The following ZDHHC1 variants were observed in gnomAD, a reference collection of about 807,000 sequenced individuals.
ZDHHC1 encodes palmitoyltransferase ZDHHC1.
Under a neutral mutation model 46.9 loss-of-function variants are expected in ZDHHC1, and 45 were observed. The ratio of observed to expected loss-of-function variants is 0.96; its 90% CI spans 0.76 to 1.23. ZDHHC1 has a LOEUF of 1.23. Ranked by LOEUF, ZDHHC1 falls within the 50% of genes most tolerant of loss-of-function variation. The pLI is 0.00. For missense variants in ZDHHC1, 649 were observed against 670.8 expected, an observed-to-expected ratio of 0.97 and a Z score of 0.36; for synonymous variants, 291 against 286.0, an observed-to-expected ratio of 1.02 and a Z score of -0.18.
intron 3 of ZDHHC1, among the ~76,000 whole-genome samples, chr16:67,405,876 G>C (rs1375095864): frequency 6.6e-6 from 1 of 152,216 alleles, no homozygotes; most frequent in Non-Finnish European, 1.5e-5. Flanking sequence ...GTTCAGCTCT[G>C]AACACAATTA....
chr16:67,413,369 A>G (rs1316717159), intron 1 of ZDHHC1, among the ~76,000 whole-genome samples: 2 of 152,256 alleles, frequency 1.3e-5, no homozygotes, highest in Non-Finnish European at 2.9e-5. Context: ...GAAGCTAGAA[A>G]GAAAACACTT....
rs984133038 is a variant in ZDHHC1, at chr16:67,406,122, G to A, written c.252+78C>T. On this transcript the variant is annotated intron_variant, in intron 3 of 11. Transcript: ENST00000565726. The surrounding 1 kb of genome is among the most constrained non-coding windows in gnomAD (Gnocchi z 4.1). ...CTGTGCTCCCCAAGGCTCTCAACCCGGCTTTGGGCCTCCGCTGTGCCAGCC... is the reference window on the plus strand; with the variant it reads ...CTGTGCTCCCCAAGGCTCTCAACCCAGCTTTGGGCCTCCGCTGTGCCAGCC... 1.3e-5 allele frequency: 20 copies of A among 1,520,916 alleles called. 1 individual carries two copies. The Admixed American group carries it at 1.6e-4, about 12-fold the overall frequency. 94.2% of individuals were successfully genotyped at this position (1,520,916 alleles called of 1,614,324 possible). A position where few individuals can be genotyped will look rare whatever the true frequency, so the allele number is the denominator to read the frequency against.
At chr16:67,399,235 CG>C in intron 5 of ZDHHC1, 119 bp downstream of exon 5, 1 of 947,618 alleles carries the variant, frequency 1.1e-6, no homozygotes, top group Non-Finnish European at 1.6e-6. Flanking sequence ...CCGCATAAAA[CG>C]GGCACAGGTC....
chr16:67,395,654 T>C (rs530113330), intron 8 of ZDHHC1, 88 bp from the exon 9 acceptor site: 3 of 1,296,028 alleles, frequency 2.3e-6, no homozygotes, highest in South Asian at 2.6e-5. Flanking sequence ...CCTGCCCTCA[T>C]TGGCCTCTGT....
In ZDHHC1 at chr16:67,395,250, T is replaced by G. The variant is rs759885443; in HGVS notation, c.1041A>C (p.Gln347His). ...GGGAAGAGGGTGGTGGAGGTTCCGCTTGGCCACGGGTGGCAAGAAACTGGG... is the reference window on the plus strand; with the variant it reads ...GGGAAGAGGGTGGTGGAGGTTCCGCGTGGCCACGGGTGGCAAGAAACTGGG... ...NPSQFLATRG[Q>H]AEPPPPSSPD... The change falls in exon 10 of 12, where the codon CAA becomes CAC. Residue 347 changes from glutamine (Q) to histidine (H), a missense_variant. Physicochemically the swap from Gln to His is conservative, Grantham distance 24 (BLOSUM62 0). Transcript: ENST00000565726. The G allele has an allele frequency of 6.3e-7, 1 of 1,586,994 alleles. No homozygotes were observed. The highest frequency in any genetic ancestry group is 1.1e-5 in the South Asian group (1 of 88,242).
intron 3 of ZDHHC1, among the ~76,000 whole-genome samples, chr16:67,402,775 C>T (rs1464629627): frequency 6.6e-6 from 1 of 152,066 alleles, no homozygotes; most frequent in Non-Finnish European, 1.5e-5. Context: ...TACAGGTGTT[C>T]GCCACCACGC....
At chr16:67,397,523 T>C in intron 8 of ZDHHC1, among the ~76,000 whole-genome samples, 1 of 150,652 alleles carries the variant, frequency 6.6e-6, no homozygotes. Context: ...CCCACCAGCC[T>C]CTGTTTGTGT....
intron 1 of ZDHHC1, among the ~76,000 whole-genome samples, chr16:67,409,019 C>T (rs548945617): frequency 1.3e-5 from 2 of 152,270 alleles, no homozygotes; most frequent in South Asian, 2.1e-4. Context: ...TTGCCATCCC[C>T]AAACCTGAAC....
intron 8 of ZDHHC1, 22 bp downstream of exon 8, chr16:67,398,190 T>C (rs1354665820): frequency 9.3e-7 from 1 of 1,073,352 alleles, no homozygotes; most frequent in Non-Finnish European, 1.4e-6. Flanking sequence ...CCAGGCCCCC[T>C]CCCACCCTTC....
intron 4 of ZDHHC1, among the ~76,000 whole-genome samples, chr16:67,400,429 C>T (rs1489848887): frequency 6.6e-6 from 1 of 152,238 alleles, no homozygotes; most frequent in African/African-American, 2.4e-5. Flanking sequence ...CAAATGGCCC[C>T]CCTGGGCCTC....
intron 1 of ZDHHC1, among the ~76,000 whole-genome samples, chr16:67,410,648 ATT>A (rs951747150): frequency 2.0e-5 from 2 of 99,632 alleles, no homozygotes; most frequent in East Asian, 2.0e-4. Flanking sequence ...TTAATTAATT[ATT>A]ATTATTATTA....
intron 2 of ZDHHC1, 114 bp downstream of exon 2, chr16:67,407,653 A>G: frequency 1.3e-6 from 1 of 742,288 alleles, no homozygotes; most frequent in Non-Finnish European, 2.5e-6. Flanking sequence ...ACGCTTTGCA[A>G]TCCTCATGTC....
intron 1 of ZDHHC1, among the ~76,000 whole-genome samples, chr16:67,409,070 C>G (rs78249417): frequency 6.6e-6 from 1 of 152,168 alleles, no homozygotes; most frequent in African/African-American, 2.4e-5. Flanking sequence ...GCAAAACAGA[C>G]GCATGCAGCT....
Position 67,394,776 on chromosome 16 carries a change from T to C in ZDHHC1, c.1283A>G (p.Glu428Gly). Reference sequence around the variant, plus strand: ...CAGGCGCGTCTGCGCCACTGGAATCTCGTCCACGGACTCTGCCGACGCCGA... The same window carrying C: ...CAGGCGCGTCTGCGCCACTGGAATCCCGTCCACGGACTCTGCCGACGCCGA... ...YHSASAESVDEIPVAQTRLGS... is the reference protein window; with the variant it reads ...YHSASAESVDGIPVAQTRLGS... The change falls in exon 12 of 12, where the codon GAG becomes GGG. Residue 428 changes from glutamate to glycine, a missense_variant. Transcript: ENST00000565726. The C allele has an allele frequency of 1.3e-6, 2 of 1,530,512 alleles. No homozygotes were observed. Among genetic ancestry groups the C allele is most frequent in the South Asian group, 1.2e-5 (1 of 83,574 alleles). The allele number at this position is 1,530,512 out of a possible 1,614,324, so 94.8% of individuals were successfully genotyped here. A position where few individuals can be genotyped will look rare whatever the true frequency, so the allele number is the denominator to read the frequency against.
Position 67,401,783 on chromosome 16 carries a change from T to C in ZDHHC1, c.253-651A>G, listed in dbSNP as rs761040031. On this transcript the variant is annotated intron_variant, in intron 3 of 11. Coordinates refer to ENST00000565726, the MANE Select transcript of ZDHHC1 (RefSeq NM_001323627.2). This position sits in a 1 kb window ranked among gnomAD's most constrained non-coding sequence, Gnocchi z 4.6. ...CTAGTCTCTGAAGCTGAAACAGCTC[T>C]TCCAGGATCTAACTGCTCAATGACT... Among the ~76,000 whole-genome samples the C allele has an allele frequency of 3.3e-5, 5 of 152,224 alleles. No individual in the cohort carries two copies. The highest frequency in any genetic ancestry group is 7.3e-5 in the Non-Finnish European group (5 of 68,034).
Position 67,395,267 on chromosome 16 carries a change from G to T in ZDHHC1, c.1024C>A (p.Leu342Ile). ...GGTTCCGCTTGGCCACGGGTGGCAA[G>T]AAACTGGGAGGGACTGAGGGGGAAG... ...AAVNANPSQFLATRGQAEPPP... is the reference protein window; with the variant it reads ...AAVNANPSQFIATRGQAEPPP... Residue 342 changes from leucine (L) to isoleucine (I), a missense_variant, in exon 10 of 12, where the codon CTT becomes ATT. Leu to Ile is a conservative substitution (Grantham distance 5). Transcript: ENST00000565726. 1 of 1,567,120 alleles carries T rather than the reference G, an allele frequency of 6.4e-7. No homozygotes were observed.
chr16:67,407,658 C>G (rs1457989707), intron 2 of ZDHHC1, 109 bp downstream of exon 2: 5 of 753,126 alleles, frequency 6.6e-6, no homozygotes, highest in Non-Finnish European at 1.0e-5. Context: ...TTGCAATCCT[C>G]ATGTCTGCCC....
chr16:67,402,829 G>A (rs1198191263), intron 3 of ZDHHC1, among the ~76,000 whole-genome samples: 1 of 152,194 alleles, frequency 6.6e-6, no homozygotes, highest in African/African-American at 2.4e-5. Context: ...GTTTCGCCAT[G>A]TTGGCCAAGG....
chr16:67,399,487 C>A, intron 4 of ZDHHC1, 31 bp from the exon 5 acceptor site: 1 of 1,570,666 alleles, frequency 6.4e-7, no homozygotes. Flanking sequence ...GCGCGATTGG[C>A]CGGCTCATTC....
Sources: gnomAD v4.1 joint callset for allele counts (sites outside exome capture counted in the v4.1 genomes callset) on GRCh38, gnomAD v4.1.1 for gene constraint, Gnocchi (gnomAD v3.1) non-coding constraint, MANE v1.5 for transcripts, NCBI Gene and HGNC (gene_info 2026-07-23, HGNC 2026-07-21) for gene names.